Variants in USP34 observed in about 807,000 individuals in gnomAD.
USP34 encodes the protein ubiquitin carboxyl-terminal hydrolase 34.
USP34 carries 70 observed loss-of-function variants against 460.3 expected under a neutral mutation model. The ratio of observed to expected loss-of-function variants is 0.15; its 90% CI spans 0.13 to 0.19. The LOEUF (loss-of-function observed/expected upper bound fraction) is 0.19. Ranked by LOEUF, USP34 falls within the 10% of genes least tolerant of loss-of-function variation. The pLI is 1.00. For synonymous variants in USP34, 1,647 were observed against 1,405.3 expected (o/e 1.17, Z -3.85); for missense variants, 3,985 against 4,236.2 (o/e 0.94, Z 1.65).
chr2:61,353,552 C>A (rs1397462577), intron 10 of USP34, among the ~76,000 whole-genome samples: 2 of 150,914 alleles, frequency 1.3e-5, no homozygotes, highest in Non-Finnish European at 3.0e-5. Context: ...CCACCACACC[C>A]AGCTAGTTTT....
chr2:61,420,875 A>C (rs772555665), intron 1 of USP34, 42 bp from the exon 2 acceptor site: 101 of 1,454,346 alleles, frequency 6.9e-5, no homozygotes, highest in Non-Finnish European at 9.2e-5. Context: ...ATAATGCTAA[A>C]CCAGTATTAA....
intron 44 of USP34, 94 bp downstream of exon 44, chr2:61,259,617 C>G (rs1332749297): frequency 9.0e-7 from 1 of 1,113,160 alleles, no homozygotes; most frequent in African/African-American, 1.6e-5. Flanking sequence ...AGCTCTTGAA[C>G]TCAAGCCATC....
intron 2 of USP34, among the ~76,000 whole-genome samples, chr2:61,412,538 A>G (rs1409785050): frequency 6.6e-6 from 1 of 152,026 alleles, no homozygotes; most frequent in East Asian, 1.9e-4. Context: ...AAATTCAACA[A>G]AAGGTCCACA....
chr2:61,199,809 G>C (rs1471642847), intron 75 of USP34, among the ~76,000 whole-genome samples: 1 of 152,046 alleles, frequency 6.6e-6, no homozygotes, highest in East Asian at 1.9e-4. Context: ...ATAGTTTACT[G>C]TTGTGAAATA....
At chr2:61,225,105 C>T (rs1687689498) in intron 62 of USP34, among the ~76,000 whole-genome samples, 1 of 151,902 alleles carries the variant, frequency 6.6e-6, no homozygotes, top group Non-Finnish European at 1.5e-5. Flanking sequence ...AAAACATTTT[C>T]TGTAACAGAT....
rs781191274 is a variant in USP34 at position 61,314,580 on chromosome 2, A to T, written c.3542+5T>A. On this transcript the variant is annotated splice_donor_5th_base_variant and intron_variant, in intron 25 of 79. Coordinates refer to ENST00000398571, the MANE Select transcript of USP34 (RefSeq NM_014709.4). ...ATTCTAACAGTGTGATATTTTAAAAATTACCTTCTCCTAAACGCTTCCAGA... is the reference window on the plus strand; with the variant it reads ...ATTCTAACAGTGTGATATTTTAAAATTTACCTTCTCCTAAACGCTTCCAGA... The T allele has an allele frequency of 7.5e-6, 11 of 1,475,258 alleles. No homozygotes were observed. The South Asian group carries it at 1.7e-4, about 23-fold the overall frequency. The allele number at this position is 1,475,258 out of a possible 1,614,324, so 91.4% of individuals were successfully genotyped here.
intron 5 of USP34, among the ~76,000 whole-genome samples, chr2:61,393,791 G>T (rs1156550839): frequency 6.6e-6 from 1 of 152,112 alleles, no homozygotes; most frequent in Admixed American, 6.5e-5. Context: ...TTTAAATTAT[G>T]ACCAGAATAG....
At chr2:61,258,971 C>A (rs1688796633) in intron 44 of USP34, among the ~76,000 whole-genome samples, 1 of 151,044 alleles carries the variant, frequency 6.6e-6, no homozygotes, top group South Asian at 2.1e-4. Flanking sequence ...AGATAACTGA[C>A]AGACAGCTCC....
intron 1 of USP34, among the ~76,000 whole-genome samples, chr2:61,464,719 A>G (rs1483809247): frequency 8.5e-6 from 1 of 117,274 alleles, no homozygotes; most frequent in Non-Finnish European, 1.9e-5. Flanking sequence ...CTCCGTCTCA[A>G]AAAAAAAAAA....
At chr2:61,306,124 G>C (rs1405122429) in intron 27 of USP34, among the ~76,000 whole-genome samples, 7 of 152,012 alleles carry the variant, frequency 4.6e-5, no homozygotes, top group Admixed American at 2.0e-4. Context: ...CATTGCTTTT[G>C]GTGTTTTGGA....
chr2:61,228,120 A>C (rs1174269932), intron 61 of USP34, among the ~76,000 whole-genome samples: 1 of 152,230 alleles, frequency 6.6e-6, no homozygotes, highest in African/African-American at 2.4e-5. Flanking sequence ...AACTTCTCTA[A>C]GTTTCAATTG....
chr2:61,328,354 T>C (rs1481934729), intron 20 of USP34, among the ~76,000 whole-genome samples: 3 of 149,828 alleles, frequency 2.0e-5, no homozygotes, highest in East Asian at 3.9e-4. Flanking sequence ...AAAACAAAAA[T>C]TACAAAATGA....
intron 69 of USP34, 28 bp downstream of exon 69, chr2:61,211,740 TAAAC>T (rs778858985): frequency 2.7e-5 from 42 of 1,531,018 alleles, no homozygotes; most frequent in African/African-American, 1.9e-4. Context: ...TCACTGGAAA[TAAAC>T]AAGACAAAAC....
chr2:61,213,765 C>CT (rs1223779376), intron 68 of USP34, among the ~76,000 whole-genome samples: 2 of 152,094 alleles, frequency 1.3e-5, no homozygotes, highest in Non-Finnish European at 2.9e-5. Context: ...ATGAAGCTGG[C>CT]TTTTTTCATT....
At chr2:61,345,720 G>A (rs559122983) in intron 15 of USP34, among the ~76,000 whole-genome samples, 1 of 152,222 alleles carries the variant, frequency 6.6e-6, no homozygotes, top group South Asian at 2.1e-4. Context: ...CTGCAGTCTT[G>A]ATCTCCTGGA....
chr2:61,398,502 G>A (rs1693609130), intron 3 of USP34, among the ~76,000 whole-genome samples: 1 of 134,252 alleles, frequency 7.4e-6, no homozygotes, highest in Admixed American at 7.9e-5. Flanking sequence ...GAAGGAGGCG[G>A]AAGCAGGGGA....
In USP34 at chr2:61,288,827, T is replaced by C; in HGVS notation, c.4599A>G (p.Ala1533=). 1 of 1,613,744 alleles carries C rather than the reference T, an allele frequency of 6.2e-7. No individual in the cohort carries two copies. Residue 1533 remains alanine, a synonymous_variant, in exon 34 of 80, where the codon GCA becomes GCG. Transcript: ENST00000398571. Reference sequence around the variant, plus strand: ...CTAAATCCAAATCGGATGGATCTACTGCAAACTGGCATATTAACTTCAGCA... The same window carrying C: ...CTAAATCCAAATCGGATGGATCTACCGCAAACTGGCATATTAACTTCAGCA... ...ACLLKLICQF[A]VDPSDLDLAY... is the part of the protein sequence containing the mutation.
At chr2:61,197,697 A>C (rs1198338501) in intron 75 of USP34, among the ~76,000 whole-genome samples, 3 of 152,174 alleles carry the variant, frequency 2.0e-5, no homozygotes, top group Non-Finnish European at 4.4e-5. Flanking sequence ...TCCTGGGCTC[A>C]AGTGATCCTC....
At chr2:61,394,246 G>C (rs1250162723) in intron 5 of USP34, among the ~76,000 whole-genome samples, 2 of 152,142 alleles carry the variant, frequency 1.3e-5, no homozygotes. Context: ...ATCTTCATGT[G>C]TAAGAGAATT....
Sources: allele counts gnomAD v4.1 joint callset (sites outside exome capture counted in the v4.1 genomes callset), GRCh38; gene constraint gnomAD v4.1.1; transcripts MANE v1.5; gene names NCBI Gene and HGNC (gene_info 2026-07-23, HGNC 2026-07-21).